Variants in ROBO2 observed in about 807,000 individuals in gnomAD.
ROBO2 encodes the protein roundabout guidance receptor 2.
In ROBO2, 53 loss-of-function variants were observed where a neutral mutation model predicts 160.8. The observed-to-expected ratio is 0.33, with a 90% CI of 0.26 to 0.41. ROBO2 has a LOEUF of 0.41. Ranked by LOEUF, ROBO2 falls within the 10% of genes least tolerant of loss-of-function variation. The probability of loss-of-function intolerance (pLI) is 1.00; values close to 1 mark genes in which losing one functional copy is unlikely to be tolerated. For synonymous variants in ROBO2, 664 were observed against 611.7 expected (o/e 1.09, Z -1.26); for missense variants, 1,577 against 1,722.4 (o/e 0.92, Z 1.49).
chr3:76,680,545 A>G (rs911822194), intron 2 of ROBO2, among the ~76,000 whole-genome samples: 1 of 152,088 alleles, frequency 6.6e-6, no homozygotes, highest in Non-Finnish European at 1.5e-5. Context: ...GCCAAAAGCT[A>G]GCATGTTTGG....
chr3:77,150,749 G>A (rs1477657213), intron 2 of ROBO2, among the ~76,000 whole-genome samples: 1 of 150,802 alleles, frequency 6.6e-6, no homozygotes, highest in Non-Finnish European at 1.5e-5. Flanking sequence ...TTTATTATAA[G>A]AACACTGGCT....
chr3:76,771,805 T>A (rs2061923754), intron 2 of ROBO2, among the ~76,000 whole-genome samples: 2 of 151,214 alleles, frequency 1.3e-5, no homozygotes, highest in Admixed American at 1.3e-4. Context: ...TGAGGAAAAA[T>A]CTACTGCTTT....
chr3:77,233,096 A>T (rs541824959), intron 2 of ROBO2, among the ~76,000 whole-genome samples: 1 of 152,310 alleles, frequency 6.6e-6, no homozygotes, highest in African/African-American at 2.4e-5. Flanking sequence ...AGGGGAAAAA[A>T]GTCCACAACC....
At chr3:77,217,145 CCTTTTTTTCTTTTCTTTT>C (rs1266268180) in intron 2 of ROBO2, among the ~76,000 whole-genome samples, 2 of 151,292 alleles carry the variant, frequency 1.3e-5, no homozygotes, top group Admixed American at 1.3e-4. Flanking sequence ...TCTTTTCTTT[CCTTTTTTTCTTTTCTTTT>C]CTGGAGTCTC....
intron 5 of ROBO2, among the ~76,000 whole-genome samples, chr3:77,495,330 C>T (rs1254368649): frequency 4.6e-5 from 7 of 152,176 alleles, no homozygotes; most frequent in Non-Finnish European, 1.0e-4. Flanking sequence ...CCCATTTACA[C>T]TACACCCAGT....
intron 2 of ROBO2, among the ~76,000 whole-genome samples, chr3:76,752,339 A>G (rs149214779): frequency 0.018 from 2,729 of 151,952 alleles, 69 homozygotes; most frequent in African/African-American, 0.058. Context: ...CCTAATGTTA[A>G]ATGACGAGTT....
intron 5 of ROBO2, among the ~76,000 whole-genome samples, chr3:77,520,337 A>G (rs2090466463): frequency 6.6e-6 from 1 of 151,264 alleles, no homozygotes; most frequent in African/African-American, 2.4e-5. Flanking sequence ...TATTGATAAC[A>G]TGACTTTGAA....
chr3:76,563,779 G>A (rs1335922600), intron 2 of ROBO2, among the ~76,000 whole-genome samples: 1 of 152,106 alleles, frequency 6.6e-6, no homozygotes, highest in African/African-American at 2.4e-5. Context: ...TAATAAGAAA[G>A]TAAATGTTCA....
At chr3:76,537,434 G>A (rs1216447410) in intron 2 of ROBO2, among the ~76,000 whole-genome samples, 2 of 152,002 alleles carry the variant, frequency 1.3e-5, no homozygotes, top group East Asian at 3.9e-4. Context: ...TAGTTGAAGA[G>A]GTTTAAACTT....
At chr3:76,733,355 A>G (rs182097724) in intron 2 of ROBO2, among the ~76,000 whole-genome samples, 11 of 152,360 alleles carry the variant, frequency 7.2e-5, no homozygotes, top group Admixed American at 1.3e-4. Context: ...GTGAAACCCT[A>G]GAAATATATT....
At chr3:77,253,786 T>G (rs954216643) in intron 2 of ROBO2, among the ~76,000 whole-genome samples, 1 of 152,154 alleles carries the variant, frequency 6.6e-6, no homozygotes, top group Non-Finnish European at 1.5e-5. Flanking sequence ...AATCCTGAAC[T>G]CTAGAACCAG....
At chr3:76,119,910 C>T (rs895795137) in intron 2 of ROBO2, among the ~76,000 whole-genome samples, 1 of 96,124 alleles carries the variant, frequency 1.0e-5, no homozygotes, top group African/African-American at 4.5e-5. Flanking sequence ...CCTTCCTTCC[C>T]TCCCTCCCTT....
chr3:75,940,089 A>G (rs930436008), intron 2 of ROBO2, among the ~76,000 whole-genome samples: 1 of 152,168 alleles, frequency 6.6e-6, no homozygotes, highest in African/African-American at 2.4e-5. Context: ...AGTAAATTAT[A>G]CTTTCTACAC....
rs145125214 is a variant in ROBO2, at chr3:77,513,325, G to A, written c.807-9450G>A. Among the ~76,000 whole-genome samples the A allele has an allele frequency of 8.6e-5, 13 of 151,964 alleles. No individual in the cohort carries two copies. The East Asian group carries it at 2.5e-3, about 30-fold the overall frequency. Reference sequence around the variant, plus strand: ...TGAGGCTTAATGTGCATCAGGAATTGCAAAGTATGAGTAATGAATGAAATG... The same window carrying A: ...TGAGGCTTAATGTGCATCAGGAATTACAAAGTATGAGTAATGAATGAAATG... On this transcript the variant is annotated intron_variant, in intron 5 of 25. Coordinates refer to ENST00000461745, the Ensembl canonical transcript of ROBO2.
chr3:76,656,578 G>C (rs531532090), intron 2 of ROBO2, among the ~76,000 whole-genome samples: 1 of 152,184 alleles, frequency 6.6e-6, no homozygotes, highest in South Asian at 2.1e-4. Flanking sequence ...AGAATCGAAA[G>C]AGCTGTCTAC....
chr3:76,260,244 T>C (rs1263654897), intron 2 of ROBO2, among the ~76,000 whole-genome samples: 2 of 152,134 alleles, frequency 1.3e-5, no homozygotes, highest in African/African-American at 2.4e-5. Context: ...GCAGTCACTT[T>C]AGTAAATGCA....
At chr3:77,187,947 A>T (rs2081430189) in intron 2 of ROBO2, among the ~76,000 whole-genome samples, 1 of 151,898 alleles carries the variant, frequency 6.6e-6, no homozygotes, top group South Asian at 2.1e-4. Context: ...AAGAATACTG[A>T]CTGTCTAAAT....
At chr3:76,435,050 GGCTTACATA>G (rs2076608263) in intron 2 of ROBO2, 1 of 1,193,708 alleles carries the variant, frequency 8.4e-7, no homozygotes, top group Non-Finnish European at 1.3e-6. Flanking sequence ...TGAAACAAAT[GGCTTACATA>G]TACAAGTGTG....
At position 76,136,162 on chromosome 3, in the gene ROBO2, A is replaced by T. The variant is rs189921332; in HGVS notation, c.109+198560A>T. 1.2e-3 allele frequency among the ~76,000 whole-genome samples: 188 copies of T among 152,186 alleles called. 1 individual carries two copies. Among genetic ancestry groups the T allele is most frequent in the African/African-American group, 4.5e-3 (185 of 41,546 alleles). The stretch of plus-strand genomic sequence containing the variant: ...ATCCATTGGGTTTAATACTCTCTTG[A>T]CAGCATTTTTGGAAGGTATTATTGG... On this transcript the variant is annotated intron_variant, in intron 2 of 26. Transcript: ENST00000487694.
Sources: allele counts gnomAD v4.1 joint callset (sites outside exome capture counted in the v4.1 genomes callset), GRCh38; gene constraint gnomAD v4.1.1; transcripts MANE v1.5; gene names NCBI Gene and HGNC (gene_info 2026-07-23, HGNC 2026-07-21).